LRIG2: variants seen among roughly 807,000 people sequenced by gnomAD.
The protein encoded by LRIG2 is leucine rich repeats and immunoglobulin like domains 2.
Under a neutral mutation model 107.8 loss-of-function variants are expected in LRIG2, and 93 were observed. The ratio of observed to expected loss-of-function variants is 0.86; its 90% CI spans 0.73 to 1.03. The LOEUF is 1.03. Ranked by LOEUF, LRIG2 falls within the 50% of genes least tolerant of loss-of-function variation. The probability of loss-of-function intolerance (pLI) is 0.00; values close to 1 mark genes in which losing one functional copy is unlikely to be tolerated. For synonymous variants in LRIG2, 471 were observed against 470.6 expected (o/e 1.00, Z -0.01); for missense variants, 1,226 against 1,296.0 (o/e 0.95, Z 0.83).
chr1:113,076,019 T>A (rs1365996691), intron 1 of LRIG2, among the ~76,000 whole-genome samples: 10 of 150,334 alleles, frequency 6.7e-5, no homozygotes, highest in East Asian at 2.0e-4. Flanking sequence ...TTTTTTTTTT[T>A]ATTTAAGAGA....
intron 1 of LRIG2, among the ~76,000 whole-genome samples, chr1:113,084,311 G>T (rs962300673): frequency 6.6e-6 from 1 of 150,960 alleles, no homozygotes. Flanking sequence ...TGCCTCCCGG[G>T]TTCACGCCAT....
rs1653862888 is a variant in LRIG2, at chr1:113,092,282, G to A, written c.305+899G>A. Among the ~76,000 whole-genome samples the A allele has an allele frequency of 3.3e-5, 5 of 152,208 alleles. No homozygotes were observed. The South Asian group carries it at 6.2e-4, about 19-fold the overall frequency. ...TGTTCTAGATTGTTGAGGTTGTTCA[G>A]TGACTAAAAACCAGGTTAATGAAAT... On this transcript the variant is annotated intron_variant, in intron 2 of 17. Coordinates refer to ENST00000361127, the MANE Select transcript of LRIG2 (RefSeq NM_014813.3).
intron 1 of LRIG2, among the ~76,000 whole-genome samples, chr1:113,076,793 T>C (rs1451667008): frequency 6.6e-6 from 1 of 152,224 alleles, no homozygotes; most frequent in Non-Finnish European, 1.5e-5. Flanking sequence ...ACTCAGATAC[T>C]GTCTTTATGC....
chr1:113,073,680 A>AG, intron 1 of LRIG2, 35 bp downstream of exon 1: 1 of 1,581,574 alleles, frequency 6.3e-7, no homozygotes, highest in Non-Finnish European at 8.6e-7. Flanking sequence ...GACCAAAAGG[A>AG]GGGGGAGCCT....
At chr1:113,082,049 CTA>C (rs1317123648) in intron 1 of LRIG2, among the ~76,000 whole-genome samples, 1 of 152,212 alleles carries the variant, frequency 6.6e-6, no homozygotes, top group Non-Finnish European at 1.5e-5. Flanking sequence ...GGAAAAGCTG[CTA>C]TGTTTCCAGA....
In LRIG2 at chr1:113,114,605, T is replaced by C; in HGVS notation, c.2259T>C (p.Ile753=). The change falls in exon 15 of 18, where the codon ATT becomes ATC. Residue 753 remains isoleucine, a synonymous_variant. Transcript: ENST00000361127. Reference sequence around the variant, plus strand: ...CTGCAGCCAATCAGCTTCTCATCATTGTAGATGCCGGGCTAGAAGATGCTG... The same window carrying C: ...CTGCAGCCAATCAGCTTCTCATCATCGTAGATGCCGGGCTAGAAGATGCTG... The part of the protein sequence containing the change: ...FFAAANQLLI[I]VDAGLEDAGK... 6.2e-7 allele frequency: 1 copy of C among 1,614,104 alleles called. No individual in the cohort carries two copies. Among genetic ancestry groups the C allele is most frequent in the Non-Finnish European group, 8.5e-7 (1 of 1,180,028 alleles).
In LRIG2 at chr1:113,100,473, C is replaced by T. The variant is rs766329709; in HGVS notation, c.1298C>T (p.Thr433Ile). Reference sequence around the variant, plus strand: ...ATCCAAGAAAATGCTTTTTCTCAGACTCATTTAAAAGAACTGTAAGTAACT... The same window carrying T: ...ATCCAAGAAAATGCTTTTTCTCAGATTCATTTAAAAGAACTGTAAGTAACT... ...MSIQENAFSQTHLKELILNTS... is the reference protein window; with the variant it reads ...MSIQENAFSQIHLKELILNTS... The change falls in exon 11 of 18, where the codon ACT becomes ATT. Residue 433 changes from threonine to isoleucine, a missense_variant. Physicochemically the swap from Thr to Ile is moderately conservative, Grantham distance 89. This residue lies in a region of LRIG2 where 570 missense variants were observed against 550.2 expected (regional missense o/e 1.04). Coordinates refer to ENST00000361127, the MANE Select transcript of LRIG2 (RefSeq NM_014813.3). The T allele has an allele frequency of 1.3e-6, 2 of 1,515,580 alleles. No homozygotes were observed. The highest frequency in any genetic ancestry group is 1.8e-6 in the Non-Finnish European group (2 of 1,096,822). 93.9% of individuals were successfully genotyped at this position (1,515,580 alleles called of 1,614,324 possible).
At chr1:113,108,454 C>T (rs1428303587) in intron 12 of LRIG2, among the ~76,000 whole-genome samples, 1 of 151,556 alleles carries the variant, frequency 6.6e-6, no homozygotes, top group Non-Finnish European at 1.5e-5. Flanking sequence ...GAACTCCTGA[C>T]CTCAGGTGAT....
chr1:113,120,133 C>T (rs927228752), intron 17 of LRIG2, among the ~76,000 whole-genome samples: 5 of 151,664 alleles, frequency 3.3e-5, no homozygotes, highest in South Asian at 2.1e-4. Flanking sequence ...AATTTTTCTC[C>T]GATCTTTATT....
At chr1:113,091,503 A>G (rs1430691440) in intron 2 of LRIG2, 120 bp downstream of exon 2, 84 of 609,318 alleles carry the variant, frequency 1.4e-4, no homozygotes, top group Non-Finnish European at 1.2e-4. Flanking sequence ...AAATTAGTTA[A>G]AAGAAATTAT....
chr1:113,130,812 T>TGAAACAC lies in LRIG2; in HGVS notation c.*6712_*6718dup, dbSNP rs1164768467. 1.1e-4 allele frequency: 16 copies of TGAAACAC among 152,352 alleles called. No individual in the cohort carries two copies. Among genetic ancestry groups the TGAAACAC allele is most frequent in the African/African-American group, 2.2e-4 (9 of 41,584 alleles). 9.4% of individuals were successfully genotyped at this position (152,352 alleles called of 1,614,324 possible). On this transcript the variant is annotated 3_prime_UTR_variant, in exon 18 of 18. Transcript: ENST00000361127. Reference sequence around the variant, plus strand: ...TGACCTGTGTTCGTAGCTGGGAACATGAAACACAAAATTCTGGGTTTAATC... The same window carrying TGAAACAC: ...TGACCTGTGTTCGTAGCTGGGAACATGAAACACGAAACACAAAATTCTGGGTTTAATC...
intron 1 of LRIG2, among the ~76,000 whole-genome samples, chr1:113,079,825 C>T (rs970939410): frequency 8.2e-5 from 12 of 146,406 alleles, no homozygotes; most frequent in African/African-American, 2.8e-4. Context: ...CACTGCCACC[C>T]GAGTTCAAGC....
In LRIG2 at chr1:113,124,111, C is replaced by G. The variant is rs1557924853; in HGVS notation, c.*10C>G. The G allele has an allele frequency of 1.2e-6, 2 of 1,610,662 alleles. No homozygotes were observed. The highest frequency in any genetic ancestry group is 1.3e-5 in the African/African-American group (1 of 74,882). On this transcript the variant is annotated 3_prime_UTR_variant, in exon 18 of 18. Coordinates refer to ENST00000361127, the MANE Select transcript of LRIG2 (RefSeq NM_014813.3). ...TAGTGAGGGCACATGAAACTCACTT[C>G]AGGATGAAATCTGGGCAGAGACTTA...
intron 1 of LRIG2, among the ~76,000 whole-genome samples, chr1:113,077,731 CTATT>C (rs751434169): frequency 5.3e-5 from 8 of 151,880 alleles, no homozygotes; most frequent in Non-Finnish European, 1.0e-4. Flanking sequence ...AATGTTTTCA[CTATT>C]TATTTATTTA....
At chr1:113,119,627 G>T (rs12568813) in intron 17 of LRIG2, 104 bp downstream of exon 17, 4 of 1,001,510 alleles carry the variant, frequency 4.0e-6, no homozygotes, top group East Asian at 2.6e-5. Flanking sequence ...GCAAGCAGAT[G>T]GGTATATAGG....
intron 6 of LRIG2, 100 bp from the exon 7 acceptor site, chr1:113,095,774 C>A: frequency 8.3e-7 from 1 of 1,205,064 alleles, no homozygotes; most frequent in Non-Finnish European, 1.2e-6. Flanking sequence ...TTGGGTTGAA[C>A]AAAGGTATAT....
intron 3 of LRIG2, 72 bp from the exon 4 acceptor site, chr1:113,093,358 G>C (rs1407650058): frequency 6.4e-7 from 1 of 1,562,100 alleles, no homozygotes; most frequent in South Asian, 1.2e-5. Flanking sequence ...ATATATTGTT[G>C]ATTCTAATTA....
intron 14 of LRIG2, 128 bp from the exon 15 acceptor site, chr1:113,114,299 T>C (rs2101060234): frequency 1.7e-6 from 1 of 603,914 alleles, no homozygotes; most frequent in South Asian, 2.3e-5. Flanking sequence ...AAACATTAAC[T>C]TCTAATCCTC....
chr1:113,087,036 A>G (rs1408276522), intron 1 of LRIG2, among the ~76,000 whole-genome samples: 2 of 152,174 alleles, frequency 1.3e-5, no homozygotes, highest in Non-Finnish European at 2.9e-5. Context: ...CCCAGCTGTA[A>G]GGAGACTGAG....
Sources: gnomAD v4.1 joint callset for allele counts (sites outside exome capture counted in the v4.1 genomes callset) on GRCh38, gnomAD v4.1.1 for gene constraint, gnomAD v4.1.1 regional missense constraint, MANE v1.5 for transcripts, NCBI Gene and HGNC (gene_info 2026-07-23, HGNC 2026-07-21) for gene names.